The following OCA2 variants were observed in gnomAD, a reference collection of about 807,000 sequenced individuals.
The protein encoded by OCA2 is P protein.
Under a neutral mutation model 100.2 loss-of-function variants are expected in OCA2, and 77 were observed. The observed-to-expected ratio is 0.77, with a 90% CI of 0.64 to 0.93. The LOEUF (loss-of-function observed/expected upper bound fraction) is 0.93, where lower values mean the gene tolerates loss of function less well. Ranked by LOEUF, OCA2 falls within the 40% of genes least tolerant of loss-of-function variation. OCA2 has a pLI of 0.00. For synonymous variants in OCA2, 432 were observed against 439.2 expected (o/e 0.98, Z 0.21); for missense variants, 1,062 against 1,089.1 (o/e 0.98, Z 0.35).
At chr15:27,933,290 A>G (rs1166399856) in intron 18 of OCA2, among the ~76,000 whole-genome samples, 2 of 152,162 alleles carry the variant, frequency 1.3e-5, no homozygotes, top group East Asian at 1.9e-4. Context: ...CTATGACAGC[A>G]AAAGTGAAAA....
chr15:27,869,720 G>A lies in OCA2; in HGVS notation c.2244+1434C>T, dbSNP rs544764633. Reference sequence around the variant, plus strand: ...GAGGCTGTGTCGGGGTCCTGCGCTCGGTCCGCAACTGTGGCCTCATTGGCT... The same window carrying A: ...GAGGCTGTGTCGGGGTCCTGCGCTCAGTCCGCAACTGTGGCCTCATTGGCT... On this transcript the variant is annotated intron_variant, in intron 21 of 23. Transcript: ENST00000354638. Among the ~76,000 whole-genome samples, 23 of 152,260 alleles carry A rather than the reference G, an allele frequency of 1.5e-4. No individual in the cohort carries two copies. In the South Asian group the frequency reaches 4.4e-3, roughly 29 times the overall value.
chr15:27,725,671 CCTTA>C, the OCA2 span, among the ~76,000 whole-genome samples: 1 of 152,058 alleles, frequency 6.6e-6, no homozygotes, highest in African/African-American at 2.4e-5. Context: ...CTTTAAAGGC[CCTTA>C]CTTTTCACTT....
intron 9 of OCA2, among the ~76,000 whole-genome samples, chr15:27,999,706 A>G (rs1009227119): frequency 3.3e-5 from 5 of 152,226 alleles, no homozygotes; most frequent in South Asian, 2.1e-4. Flanking sequence ...GTGATCTTAT[A>G]TATAGAAAAC....
At chr15:27,988,105 A>G (rs536568414) in intron 11 of OCA2, among the ~76,000 whole-genome samples, 43 of 152,190 alleles carry the variant, frequency 2.8e-4, no homozygotes, top group African/African-American at 1.0e-3. Flanking sequence ...TGTTTTACAC[A>G]TTTGCTGACA....
chr15:28,008,053 T>C (rs1042867800), intron 9 of OCA2, among the ~76,000 whole-genome samples: 1 of 152,212 alleles, frequency 6.6e-6, no homozygotes, highest in Non-Finnish European at 1.5e-5. Flanking sequence ...TTAATATTTA[T>C]TGAGCACTTG....
At chr15:27,874,056 C>G (rs2036691316) in intron 19 of OCA2, among the ~76,000 whole-genome samples, 1 of 152,128 alleles carries the variant, frequency 6.6e-6, no homozygotes, top group African/African-American at 2.4e-5. Flanking sequence ...CATCCTTGTC[C>G]CACTGAAATA....
intron 19 of OCA2, among the ~76,000 whole-genome samples, chr15:27,899,606 C>A (rs1485964841): frequency 6.6e-6 from 1 of 152,160 alleles, no homozygotes; most frequent in African/African-American, 2.4e-5. Context: ...CACTCAGTTC[C>A]TTTGACAAGG....
intron 16 of OCA2, among the ~76,000 whole-genome samples, chr15:27,956,555 G>A (rs1381942755): frequency 1.3e-5 from 2 of 152,178 alleles, no homozygotes; most frequent in African/African-American, 4.8e-5. Flanking sequence ...TGCACTGAGT[G>A]TGTCTTTAAC....
intron 22 of OCA2, among the ~76,000 whole-genome samples, chr15:27,845,906 C>T (rs1342530524): frequency 1.3e-5 from 2 of 152,156 alleles, no homozygotes; most frequent in Non-Finnish European, 1.5e-5. Flanking sequence ...AGGGAGCAAC[C>T]TTTCAGAGGC....
chr15:28,015,206 C>T (rs2042353125), intron 8 of OCA2, among the ~76,000 whole-genome samples: 1 of 152,152 alleles, frequency 6.6e-6, no homozygotes, highest in Non-Finnish European at 1.5e-5. Context: ...AGACGCCAGC[C>T]ATTGAACTGG....
intron 14 of OCA2, among the ~76,000 whole-genome samples, chr15:27,979,727 T>A (rs1306772762): frequency 2.7e-5 from 4 of 150,304 alleles, no homozygotes; most frequent in Non-Finnish European, 5.9e-5. Flanking sequence ...TGAGACAGAG[T>A]CTCACTCTTT....
chr15:27,910,935 A>G (rs2703933), intron 19 of OCA2, among the ~76,000 whole-genome samples: 8,199 of 151,990 alleles, frequency 0.054, 768 homozygotes, highest in African/African-American at 0.19. Context: ...CAGCCTGGGC[A>G]ACAGAGTGAG....
chr15:27,901,189 T>C (rs905904513), intron 19 of OCA2, among the ~76,000 whole-genome samples: 1 of 152,220 alleles, frequency 6.6e-6, no homozygotes, highest in African/African-American at 2.4e-5. Context: ...GGACAAGTGA[T>C]TTTCTCTTGG....
chr15:27,872,637 A>T (rs1465781239), intron 19 of OCA2, among the ~76,000 whole-genome samples: 1 of 151,862 alleles, frequency 6.6e-6, no homozygotes, highest in Non-Finnish European at 1.5e-5. Context: ...GCGCTGAAAG[A>T]CTGCAAATAT....
At chr15:27,764,578 C>T (rs1282079098) in intron 23 of OCA2, among the ~76,000 whole-genome samples, 1 of 152,198 alleles carries the variant, frequency 6.6e-6, no homozygotes, top group African/African-American at 2.4e-5. Context: ...GGGACTGGGA[C>T]TCAGCCGCCC....
intron 21 of OCA2, among the ~76,000 whole-genome samples, chr15:27,857,262 A>T (rs1328714699): frequency 6.6e-6 from 1 of 152,242 alleles, no homozygotes; most frequent in Non-Finnish European, 1.5e-5. Context: ...ACCTCACTAC[A>T]AGAGTTCAAC....
At chr15:27,886,241 A>C (rs1009540467) in intron 19 of OCA2, among the ~76,000 whole-genome samples, 2 of 152,216 alleles carry the variant, frequency 1.3e-5, no homozygotes, top group Admixed American at 1.3e-4. Flanking sequence ...GAGGCTCTGG[A>C]TTTTATTCCA....
At chr15:28,088,906 A>G (rs1202126063) in intron 1 of OCA2, among the ~76,000 whole-genome samples, 9 of 152,184 alleles carry the variant, frequency 5.9e-5, no homozygotes, top group Non-Finnish European at 1.3e-4. Flanking sequence ...GGTCTGACCA[A>G]AATTTATTAG....
At chr15:27,768,311 G>A (rs1021436575) in intron 23 of OCA2, among the ~76,000 whole-genome samples, 1 of 152,208 alleles carries the variant, frequency 6.6e-6, no homozygotes, top group South Asian at 2.1e-4. Context: ...ACTTCTGTGA[G>A]ATATGCAAAA....
Sources: gnomAD v4.1 joint callset for allele counts (sites outside exome capture counted in the v4.1 genomes callset) on GRCh38, gnomAD v4.1.1 for gene constraint, MANE v1.5 for transcripts, NCBI Gene and HGNC (gene_info 2026-07-23, HGNC 2026-07-21) for gene names.